The following XIAP variants were observed in gnomAD, a reference collection of about 807,000 sequenced individuals.
XIAP encodes the protein X-linked inhibitor of apoptosis, also known as E3 ubiquitin-protein ligase XIAP.
XIAP carries 3 observed loss-of-function variants against 33.1 expected under a neutral mutation model. The observed-to-expected ratio is 0.09, with a 90% CI of 0.04 to 0.23. The LOEUF (loss-of-function observed/expected upper bound fraction) is 0.23. XIAP is among the 10% of genes least tolerant of loss of function. The pLI, the probability that XIAP is intolerant of heterozygous loss-of-function variation, is 1.00. For synonymous variants in XIAP, 98 were observed against 121.3 expected (o/e 0.81, Z 1.26); for missense variants, 264 against 363.0 (o/e 0.73, Z 2.22).
At chrX:123,904,295 T>C (rs1261327925) in intron 6 of XIAP, among the ~76,000 whole-genome samples, 1 of 112,298 alleles carries the variant, frequency 8.9e-6, no homozygotes, top group East Asian at 2.8e-4. Context: ...GGAAATTACT[T>C]GTTCTCCTTT....
At chrX:123,894,956 G>GTAAGTAAATAAA (rs762956643) in intron 5 of XIAP, among the ~76,000 whole-genome samples, 6 of 105,718 alleles carry the variant, frequency 5.7e-5, no homozygotes, top group East Asian at 3.0e-4. Context: ...ACATAAATAA[G>GTAAGTAAATAAA]TAAATAAATA....
chrX:123,876,910 A>G (rs1310889158), intron 1 of XIAP, among the ~76,000 whole-genome samples: 1 of 111,552 alleles, frequency 9.0e-6, no homozygotes, highest in Non-Finnish European at 1.9e-5. Flanking sequence ...TTTATCAAAA[A>G]CATTCACACT....
chrX:123,886,004 G>C lies in XIAP; in HGVS notation c.342G>C (p.Gln114His), dbSNP rs2053347709. 1 of 1,211,919 alleles carries C rather than the reference G, an allele frequency of 8.3e-7. No individual in the cohort carries two copies. Among genetic ancestry groups the C allele is most frequent in the East Asian group, 3.0e-5 (1 of 33,882 alleles). ...CAAATTCTGGTATCCAGAATGGTCA[G>C]TACAAAGTTGAAAACTATCTGGGAA... ...QSTNSGIQNG[Q>H]YKVENYLGSR... is the part of the protein sequence containing the mutation. Residue 114 changes from glutamine (Q) to histidine (H), a missense_variant, in exon 2 of 7, where the codon CAG becomes CAC. Gln to His is a conservative substitution (Grantham distance 24, BLOSUM62 0). Coordinates refer to ENST00000371199, the MANE Select transcript of XIAP (RefSeq NM_001167.4).
At chrX:123,862,678 TGGTGAAACCCCA>T (rs2053092213) in intron 1 of XIAP, among the ~76,000 whole-genome samples, 1 of 108,508 alleles carries the variant, frequency 9.2e-6, no homozygotes, top group African/African-American at 3.4e-5. Flanking sequence ...CTGGCCAACA[TGGTGAAACCCCA>T]CCTCTACTAA....
At chrX:123,888,467 A>AT in intron 2 of XIAP, 152 bp from the exon 3 acceptor site, 3 of 527,748 alleles carry the variant, frequency 5.7e-6, no homozygotes, top group Non-Finnish European at 1.0e-5. Context: ...GATAAAAATC[A>AT]TATCTGTTAC....
At chrX:123,891,401 T>G in intron 4 of XIAP, 85 bp downstream of exon 4, 1 of 454,423 alleles carries the variant, frequency 2.2e-6, no homozygotes, top group Non-Finnish European at 3.6e-6. Flanking sequence ...TTATATCATT[T>G]GTTTTATAGT....
At chrX:123,887,710 G>A (rs2053364557) in intron 2 of XIAP, among the ~76,000 whole-genome samples, 1 of 111,473 alleles carries the variant, frequency 9.0e-6, no homozygotes, top group Non-Finnish European at 1.9e-5. Context: ...ATGGCCGGGC[G>A]CGGTGGCTCC....
intron 4 of XIAP, among the ~76,000 whole-genome samples, 178 bp downstream of exon 4, chrX:123,891,494 AAAC>A (rs1427186497): frequency 8.9e-6 from 1 of 111,949 alleles, no homozygotes; most frequent in Non-Finnish European, 1.9e-5. Flanking sequence ...TTTAAGTTAA[AAAC>A]AAAATAATAA....
intron 1 of XIAP, among the ~76,000 whole-genome samples, chrX:123,866,471 TATACA>T (rs1569475657): frequency 1.2e-4 from 11 of 88,729 alleles, no homozygotes; most frequent in Non-Finnish European, 2.3e-4. Context: ...AATTATATTA[TATACA>T]ATATATTATA....
chrX:123,913,182 A>G lies in XIAP; in HGVS notation c.*6001A>G. On this transcript the variant is annotated 3_prime_UTR_variant, in exon 7 of 7. Transcript: ENST00000371199. ...AGGGACAATTGTATCTTCAAAGTAG[A>G]CAAATGGCGCCGGGCACGGTGGCTC... 1 of 328,458 alleles carries G rather than the reference A, an allele frequency of 3.0e-6. No homozygotes were observed. Among genetic ancestry groups the G allele is most frequent in the African/African-American group, 2.6e-5 (1 of 38,058 alleles). The allele number at this position is 328,458 out of a possible 1,213,427, so 27.1% of individuals were successfully genotyped here.
chrX:123,886,431 C>G lies in XIAP; in HGVS notation c.769C>G (p.Pro257Ala), dbSNP rs138783302. 1,751 of 1,209,593 alleles carry G rather than the reference C, an allele frequency of 1.4e-3. No homozygotes were observed. Among genetic ancestry groups the G allele is most frequent in the Non-Finnish European group, 1.9e-3 (1,688 of 895,373 alleles). The change falls in exon 2 of 7, where the codon CCA (proline) becomes GCA (alanine). Residue 257 changes from proline to alanine, a missense_variant. By Grantham distance (27) the Pro-to-Ala change is conservative. Transcript: ENST00000371199. Reference protein sequence around the residue: ...DRNFPNSTNLPRNPSMADYEA... With the variant: ...DRNFPNSTNLARNPSMADYEA... ...GAATTTCCCAAATTCAACAAATCTT[C>G]CAAGAAATCCATCCATGGCAGATTA...
chrX:123,862,856 GAA>G (rs111374988), intron 1 of XIAP, among the ~76,000 whole-genome samples: 3 of 97,942 alleles, frequency 3.1e-5, no homozygotes, highest in Admixed American at 1.1e-4. Flanking sequence ...CCTTTGTCCC[GAA>G]AAAAAAAAAA....
chrX:123,884,210 G>A (rs1007880144), intron 1 of XIAP, among the ~76,000 whole-genome samples: 1 of 111,789 alleles, frequency 8.9e-6, no homozygotes, highest in Non-Finnish European at 1.9e-5. Context: ...ATGGCAGGGC[G>A]CGGTGGCTCA....
chrX:123,899,144 A>AAAAAAAAAT lies in XIAP; in HGVS notation c.1100-1348_1100-1347insAAAAAAATA, dbSNP rs1186271285. Among the ~76,000 whole-genome samples, 9 of 50,184 alleles carry AAAAAAAAAT rather than the reference A, an allele frequency of 1.8e-4. 1 individual carries two copies. Among genetic ancestry groups the AAAAAAAAAT allele is most frequent in the Admixed American group, 7.2e-4 (3 of 4,188 alleles). 43.6% of individuals were successfully genotyped at this position (50,184 alleles called of 115,157 possible). Reference sequence around the variant, plus strand: ...CAAAAAAAAAAAAAAAAAAAAAAAAAATATATATATATATATATATATGAT... The same window carrying AAAAAAAAAT: ...CAAAAAAAAAAAAAAAAAAAAAAAAAAAAAAAAATATATATATATATATATATATATGAT... On this transcript the variant is annotated intron_variant, in intron 5 of 6. Transcript: ENST00000371199.
intron 5 of XIAP, among the ~76,000 whole-genome samples, chrX:123,895,951 G>A (rs780108187): frequency 1.4e-4 from 15 of 110,846 alleles, no homozygotes; most frequent in Non-Finnish European, 2.5e-4. Flanking sequence ...TAGTAGGGAC[G>A]GGGTTTCGCT....
chrX:123,903,053 T>G lies in XIAP; in HGVS notation c.1300+2360T>G, dbSNP rs181397073. Among the ~76,000 whole-genome samples, 27 of 110,523 alleles carry G rather than the reference T, an allele frequency of 2.4e-4. No individual in the cohort carries two copies. The East Asian group carries it at 6.2e-3, about 25-fold the overall frequency. ...AAACTACTGGTCTGAGGGGAAAAGA[T>G]CTATGCCCAGAATATCACCATCTCA... On this transcript the variant is annotated intron_variant, in intron 6 of 6. Coordinates refer to ENST00000371199, the MANE Select transcript of XIAP (RefSeq NM_001167.4).
chrX:123,904,844 T>G (rs1462997852), intron 6 of XIAP, among the ~76,000 whole-genome samples: 1 of 111,054 alleles, frequency 9.0e-6, no homozygotes, highest in East Asian at 2.8e-4. Context: ...TTGGCCAGGC[T>G]AGTCTTGAAC....
intron 1 of XIAP, among the ~76,000 whole-genome samples, chrX:123,877,744 C>T (rs1407517526): frequency 9.0e-6 from 1 of 110,971 alleles, no homozygotes. Context: ...GAGGCTGAGG[C>T]GGGTGGATCA....
At chrX:123,899,382 A>G (rs1283724927) in intron 5 of XIAP, among the ~76,000 whole-genome samples, 5 of 103,897 alleles carry the variant, frequency 4.8e-5, no homozygotes, top group African/African-American at 1.7e-4. Flanking sequence ...TAACATATAT[A>G]TGTTAAAATA....
Sources: allele counts gnomAD v4.1 joint callset (sites outside exome capture counted in the v4.1 genomes callset), GRCh38; gene constraint gnomAD v4.1.1; transcripts MANE v1.5; gene names NCBI Gene and HGNC (gene_info 2026-07-23, HGNC 2026-07-21).